DRC7: variants seen among roughly 807,000 people sequenced by gnomAD.
The protein encoded by DRC7 is coiled-coil domain containing 135.
A neutral mutation model predicts 104.4 loss-of-function variants in DRC7; 80 were observed. That is an observed-to-expected ratio of 0.77 (90% CI 0.64 to 0.92). The LOEUF is 0.92. Ranked by LOEUF, DRC7 falls within the 40% of genes least tolerant of loss-of-function variation. The probability of loss-of-function intolerance (pLI) is 0.00; values close to 1 mark genes in which losing one functional copy is unlikely to be tolerated. For missense variants in DRC7, 1,034 were observed against 1,141.1 expected, an observed-to-expected ratio of 0.91 and a Z score of 1.35; for synonymous variants, 405 against 447.3, an observed-to-expected ratio of 0.91 and a Z score of 1.19.
chr16:57,707,645 G>C lies in DRC7; in HGVS notation c.1044G>C (p.Trp348Cys), dbSNP rs368578019. 2.5e-6 allele frequency: 4 copies of C among 1,613,382 alleles called. No homozygotes were observed. The highest frequency in any genetic ancestry group is 1.3e-5 in the African/African-American group (1 of 74,900). Residue 348 changes from tryptophan to cysteine, a missense_variant, in exon 8 of 19, where the codon TGG becomes TGC. Trp to Cys is a radical substitution (Grantham distance 215). Coordinates refer to ENST00000360716, the MANE Select transcript of DRC7 (RefSeq NM_001289162.2). ...IESLWNHKNY[W>C]INMQDCWNCC... ...GCCTGTGGAACCACAAGAACTACTG[G>C]ATCAACATGCAGGATTGCTGGAACT...
Position 57,717,655 on chromosome 16 carries a change from C to T in DRC7, c.1078-692C>T, listed in dbSNP as rs184463917. ...CAGAGGTTGCAGTGAGCCGAGATCA[C>T]GCCACTGCACTCCAGCCTGGGCGAC... On this transcript the variant is annotated intron_variant, in intron 8 of 18. Transcript: ENST00000360716. Among the ~76,000 whole-genome samples the T allele has an allele frequency of 6.4e-3, 966 of 151,222 alleles. 6 individuals are homozygous for T. The highest frequency in any genetic ancestry group is 9.1e-3 in the Admixed American group (138 of 15,194).
intron 17 of DRC7, among the ~76,000 whole-genome samples, chr16:57,729,526 A>G (rs1232438721): frequency 6.3e-5 from 4 of 63,820 alleles, no homozygotes; most frequent in Admixed American, 1.6e-4. Flanking sequence ...GGATGGATGG[A>G]TGGATGGGTG....
chr16:57,731,066 A>T lies in DRC7; in HGVS notation c.2527A>T (p.Asn843Tyr), dbSNP rs555715133. 3 of 1,613,762 alleles carry T rather than the reference A, an allele frequency of 1.9e-6. No homozygotes were observed. The South Asian group carries it at 3.3e-5, about 18-fold the overall frequency. ...FRIRILEQRL[N>Y]RHKELAPLKY... ...CATCCGCATCCTGGAGCAGCGCCTC[A>T]ATCGGTGAGCAGGCAGGGCAGGTGG... The change falls in exon 18 of 19, where the codon AAT (asparagine) becomes TAT (tyrosine). Residue 843 changes from asparagine (N) to tyrosine (Y), a missense_variant. Transcript: ENST00000360716.
chr16:57,715,721 C>A (rs1478946861), intron 8 of DRC7, among the ~76,000 whole-genome samples: 3 of 152,228 alleles, frequency 2.0e-5, no homozygotes, highest in African/African-American at 7.2e-5. Flanking sequence ...ACAGAGGGGG[C>A]AGAGCCGACA....
intron 8 of DRC7, among the ~76,000 whole-genome samples, chr16:57,711,234 G>GT (rs2048788909): frequency 6.6e-6 from 1 of 152,186 alleles, no homozygotes; most frequent in Non-Finnish European, 1.5e-5. Flanking sequence ...CAAATTTATT[G>GT]TTATGAAAGT....
chr16:57,716,502 G>GAA (rs57994446), intron 8 of DRC7, among the ~76,000 whole-genome samples: 15 of 118,862 alleles, frequency 1.3e-4, no homozygotes, highest in African/African-American at 3.1e-4. Flanking sequence ...GACTCCATCT[G>GAA]AAAAAAAAAA....
At chr16:57,728,873 AATAG>A (rs541326714) in intron 17 of DRC7, among the ~76,000 whole-genome samples, 40 of 81,926 alleles carry the variant, frequency 4.9e-4, no homozygotes, top group African/African-American at 3.6e-3. Flanking sequence ...TAGATGGATG[AATAG>A]ATAGATGGGT....
At chr16:57,714,647 C>G (rs2048822761) in intron 8 of DRC7, 1 of 189,352 alleles carries the variant, frequency 5.3e-6, no homozygotes, top group African/African-American at 2.5e-5. Flanking sequence ...CACACACACA[C>G]ACATACATAT....
In DRC7 at chr16:57,718,480, G is replaced by A. The variant is rs1346621795; in HGVS notation, c.1206+5G>A. On this transcript the variant is annotated splice_donor_5th_base_variant and intron_variant, in intron 9 of 18. Coordinates refer to ENST00000360716, the MANE Select transcript of DRC7 (RefSeq NM_001289162.2). ...GAGGATGATGTGGAAAATCTGGTGA[G>A]TCTCAGCAGCTCGAGAGCCCAGGGA... 5.0e-6 allele frequency: 8 copies of A among 1,613,690 alleles called. No homozygotes were observed. Among genetic ancestry groups the A allele is most frequent in the Non-Finnish European group, 6.8e-6 (8 of 1,179,772 alleles).
chr16:57,730,915 T>C lies in DRC7; in HGVS notation c.2392-16T>C, dbSNP rs201801817. On this transcript the variant is annotated splice_polypyrimidine_tract_variant and intron_variant, in intron 17 of 18. Coordinates refer to ENST00000360716, the MANE Select transcript of DRC7 (RefSeq NM_001289162.2). ...GCCTTGTCAGTCCTCCTTCTCTGTC[T>C]GCCCTATGACCACAGGAGACCCAGG... 3.3e-3 allele frequency: 5,351 copies of C among 1,612,320 alleles called. 8 individuals are homozygous for C. The highest frequency in any genetic ancestry group is 4.3e-3 in the Non-Finnish European group (5,086 of 1,179,448).
At chr16:57,729,392 G>A (rs2049019436) in intron 17 of DRC7, among the ~76,000 whole-genome samples, 1 of 147,980 alleles carries the variant, frequency 6.8e-6, no homozygotes, top group African/African-American at 2.5e-5. Context: ...GTGAGTGGAT[G>A]GATGAGTGGG....
chr16:57,708,417 A>T (rs1369547468), intron 8 of DRC7, among the ~76,000 whole-genome samples: 3 of 152,106 alleles, frequency 2.0e-5, no homozygotes, highest in Admixed American at 2.0e-4. Context: ...TATGAAATTC[A>T]TTGTGGTTTT....
At chr16:57,722,353 G>A (rs183697319) in intron 10 of DRC7, among the ~76,000 whole-genome samples, 2 of 152,266 alleles carry the variant, frequency 1.3e-5, no homozygotes, top group African/African-American at 4.8e-5. Context: ...CCTGGGTGAA[G>A]TTTGGAAGGA....
In DRC7 at chr16:57,718,330, G is replaced by A; in HGVS notation, c.1078-17G>A. On this transcript the variant is annotated splice_polypyrimidine_tract_variant and intron_variant, in intron 8 of 18. Transcript: ENST00000360716. ...GGCTGTGGGGTACACTCAGTTGACT[G>A]CCCTCATCCCCAACAGGACTTGATC... 1 of 1,612,824 alleles carries A rather than the reference G, an allele frequency of 6.2e-7. No homozygotes were observed. Among genetic ancestry groups the A allele is most frequent in the Non-Finnish European group, 8.5e-7 (1 of 1,179,206 alleles).
At chr16:57,695,803 A>C (rs2048586983) in intron 1 of DRC7, among the ~76,000 whole-genome samples, 1 of 152,244 alleles carries the variant, frequency 6.6e-6, no homozygotes, top group South Asian at 2.1e-4. Flanking sequence ...AGGCGCAGAC[A>C]GTGACCCAAG....
chr16:57,707,663 C>T lies in DRC7; in HGVS notation c.1062C>T (p.Cys354=). The change falls in exon 8 of 19, where the codon TGC becomes TGT. Residue 354 remains cysteine (C), a synonymous_variant. Transcript: ENST00000360716. ...HKNYWINMQD[C]WNCCKDLIFD... ...ACTACTGGATCAACATGCAGGATTG[C>T]TGGAACTGCTGCAAGGTGCCTAGGG... 1 of 1,613,186 alleles carries T rather than the reference C, an allele frequency of 6.2e-7. No individual in the cohort carries two copies. Among genetic ancestry groups the T allele is most frequent in the Non-Finnish European group, 8.5e-7 (1 of 1,179,916 alleles).
intron 6 of DRC7, among the ~76,000 whole-genome samples, chr16:57,704,535 G>A (rs1346174248): frequency 6.6e-6 from 1 of 152,194 alleles, no homozygotes. Context: ...TCATGGCTAG[G>A]ATGGGTGGTG....
At position 57,731,224 on chromosome 16, in the gene DRC7, C is replaced by G. The variant is rs1200241415; in HGVS notation, c.2591C>G (p.Pro864Arg). The change falls in exon 19 of 19, where the codon CCA becomes CGA. Residue 864 changes from proline (P) to arginine (R), a missense_variant. Transcript: ENST00000360716. The part of the protein sequence containing the change: ...LALEEKLYKD[P>R]RLGELQKIFA The stretch of plus-strand genomic sequence containing the variant: ...CTGGAGGAAAAGCTCTACAAGGACC[C>G]ACGCCTGGGGGAGCTCCAGAAAATA... The G allele has an allele frequency of 6.2e-7, 1 of 1,613,648 alleles. No homozygotes were observed. Among genetic ancestry groups the G allele is most frequent in the East Asian group, 2.2e-5 (1 of 44,904 alleles).
At chr16:57,730,867 G>A (rs2049054080) in intron 17 of DRC7, 64 bp from the exon 18 acceptor site, 1 of 1,571,088 alleles carries the variant, frequency 6.4e-7, no homozygotes. Flanking sequence ...TGGGATTGCA[G>A]CCTGCAGCCT....
Sources: allele counts gnomAD v4.1 joint callset (sites outside exome capture counted in the v4.1 genomes callset), GRCh38; gene constraint gnomAD v4.1.1; transcripts MANE v1.5; gene names NCBI Gene and HGNC (gene_info 2026-07-23, HGNC 2026-07-21).